CDH12: variants seen among roughly 807,000 people sequenced by gnomAD.
CDH12 encodes the protein cadherin-12.
Under a neutral mutation model 74.1 loss-of-function variants are expected in CDH12, and 41 were observed. The ratio of observed to expected loss-of-function variants is 0.55; its 90% CI spans 0.43 to 0.72. The LOEUF (loss-of-function observed/expected upper bound fraction) is 0.72, where lower values mean the gene tolerates loss of function less well. CDH12 is among the 30% of genes least tolerant of loss of function. CDH12 has a pLI of 0.00. For synonymous variants in CDH12, 399 were observed against 355.0 expected, an observed-to-expected ratio of 1.12 and a Z score of -1.39; for missense variants, 945 against 977.2, an observed-to-expected ratio of 0.97 and a Z score of 0.44.
intron 1 of CDH12, among the ~76,000 whole-genome samples, chr5:22,847,841 T>A (rs1331145221): frequency 1.3e-5 from 2 of 152,110 alleles, no homozygotes; most frequent in Non-Finnish European, 2.9e-5. Flanking sequence ...AATTCCCTTT[T>A]ACTGTATGAT....
intron 6 of CDH12, among the ~76,000 whole-genome samples, chr5:21,874,203 T>C (rs1035532512): frequency 2.0e-5 from 3 of 152,002 alleles, no homozygotes; most frequent in African/African-American, 7.2e-5. Flanking sequence ...TAAAAAGTGG[T>C]CAAAGGACAT....
rs190879876 is a variant in CDH12, at chr5:21,760,817, C to T, written c.1516-142G>A. ...AATACCAGTAGGTCAATTATTTACA[C>T]ATAATGTTTATAAACAAATTTCTAA... On this transcript the variant is annotated intron_variant, in intron 12 of 14. Coordinates refer to ENST00000382254, the MANE Select transcript of CDH12 (RefSeq NM_004061.5). 824 of 651,878 alleles carry T rather than the reference C, an allele frequency of 1.3e-3. 3 individuals carry two copies. In the African/African-American group the frequency reaches 0.014, roughly 11 times the overall value. The allele number at this position is 651,878 out of a possible 1,614,324, so 40.4% of individuals were successfully genotyped here. A position where few individuals can be genotyped will look rare whatever the true frequency, so the allele number is the denominator to read the frequency against.
intron 1 of CDH12, among the ~76,000 whole-genome samples, chr5:22,824,182 G>T (rs1749880107): frequency 6.6e-6 from 1 of 152,080 alleles, no homozygotes; most frequent in African/African-American, 2.4e-5. Flanking sequence ...GTCAACTAAA[G>T]ATTGTATACA....
intron 1 of CDH12, among the ~76,000 whole-genome samples, chr5:22,710,265 T>A (rs1743223168): frequency 6.6e-6 from 1 of 152,250 alleles, no homozygotes; most frequent in South Asian, 2.1e-4. Flanking sequence ...ATATGTTTCA[T>A]AGTTTTCACT....
At position 21,824,017 on chromosome 5, in the gene CDH12, C is replaced by T. The variant is rs561955152; in HGVS notation, c.815-6885G>A. ...TAATAATCCTATGTTCACTTTAATT[C>T]TAAAAACATAGATTTGGAAGTTAGA... On this transcript the variant is annotated intron_variant, in intron 8 of 14. Transcript: ENST00000382254. Among the ~76,000 whole-genome samples, 4 of 152,030 alleles carry T rather than the reference C, an allele frequency of 2.6e-5. No individual in the cohort carries two copies. In the East Asian group the frequency reaches 5.8e-4, roughly 22 times the overall value.
chr5:22,417,277 T>C (rs1206190245), intron 2 of CDH12, among the ~76,000 whole-genome samples: 2 of 152,226 alleles, frequency 1.3e-5, no homozygotes, highest in Non-Finnish European at 2.9e-5. Context: ...AAGCTTAATG[T>C]CCAATGCAAC....
intron 3 of CDH12, among the ~76,000 whole-genome samples, chr5:22,248,462 T>G (rs1753032671): frequency 2.0e-5 from 3 of 152,066 alleles, no homozygotes; most frequent in Admixed American, 2.0e-4. Flanking sequence ...AAAGAAAAAA[T>G]AATGTGTCTG....
Position 22,586,659 on chromosome 5 carries a change from C to T in CDH12, c.-522-81295G>A, listed in dbSNP as rs77459592. 5.5e-4 allele frequency among the ~76,000 whole-genome samples: 83 copies of T among 151,880 alleles called. 4 individuals are homozygous for T. The East Asian group carries it at 0.015, about 28-fold the overall frequency. On this transcript the variant is annotated intron_variant, in intron 1 of 14. Coordinates refer to ENST00000382254, the MANE Select transcript of CDH12 (RefSeq NM_004061.5). ...TGAATTTTTCTCATTTTCTCCTTCA[C>T]ACCAGTTTTCACAATTTTTAATCCT...
At chr5:22,644,601 C>T (rs1418665434) in intron 1 of CDH12, among the ~76,000 whole-genome samples, 2 of 151,806 alleles carry the variant, frequency 1.3e-5, no homozygotes, top group Non-Finnish European at 2.9e-5. Flanking sequence ...CATGAAAGTG[C>T]AAGATAAGGC....
intron 4 of CDH12, among the ~76,000 whole-genome samples, chr5:22,115,522 T>C (rs1463099113): frequency 6.6e-6 from 1 of 152,142 alleles, no homozygotes; most frequent in Non-Finnish European, 1.5e-5. Flanking sequence ...GAATCTACCA[T>C]TCATAAAATA....
chr5:22,658,725 A>G (rs935150769), intron 1 of CDH12, among the ~76,000 whole-genome samples: 5 of 152,148 alleles, frequency 3.3e-5, no homozygotes, highest in African/African-American at 1.2e-4. Flanking sequence ...TTATCGCCCA[A>G]CCTCTTAATA....
Position 22,286,230 on chromosome 5 carries a change from C to T in CDH12, c.-332-73587G>A, listed in dbSNP as rs970157726. Among the ~76,000 whole-genome samples the T allele has an allele frequency of 4.6e-5, 7 of 152,060 alleles. No individual in the cohort carries two copies. The South Asian group carries it at 1.0e-3, about 22-fold the overall frequency. ...CAGAAATTGAATCAAAAATATAATT[C>T]TCATAAAGGCAAGTCACACAAAGCA... On this transcript the variant is annotated intron_variant, in intron 3 of 14. Transcript: ENST00000382254.
intron 1 of CDH12, among the ~76,000 whole-genome samples, chr5:22,830,356 T>C (rs1356238456): frequency 6.6e-6 from 1 of 152,160 alleles, no homozygotes; most frequent in Non-Finnish European, 1.5e-5. Flanking sequence ...TGTATACATG[T>C]ATATATATGC....
chr5:22,622,438 T>C (rs1053328338), intron 1 of CDH12, among the ~76,000 whole-genome samples: 1 of 152,070 alleles, frequency 6.6e-6, no homozygotes, highest in Non-Finnish European at 1.5e-5. Context: ...GACCTGCTCC[T>C]GATTCCCAGT....
At chr5:22,584,078 C>A (rs1437734586) in intron 1 of CDH12, among the ~76,000 whole-genome samples, 1 of 111,254 alleles carries the variant, frequency 9.0e-6, no homozygotes, top group Non-Finnish European at 1.8e-5. Context: ...ATATTGTTTG[C>A]GGAATTTATT....
chr5:22,758,575 T>C (rs1056996810), intron 1 of CDH12, among the ~76,000 whole-genome samples: 3 of 152,048 alleles, frequency 2.0e-5, no homozygotes, highest in African/African-American at 4.8e-5. Context: ...GTTGGTCTTA[T>C]CCCATTTTCT....
chr5:22,710,583 G>C (rs751066425), intron 1 of CDH12, among the ~76,000 whole-genome samples: 5 of 152,108 alleles, frequency 3.3e-5, no homozygotes, highest in Non-Finnish European at 7.4e-5. Flanking sequence ...TTAATCTATA[G>C]AGTATGATAA....
intron 3 of CDH12, among the ~76,000 whole-genome samples, chr5:22,290,855 G>A (rs923894774): frequency 3.9e-5 from 6 of 151,974 alleles, no homozygotes; most frequent in South Asian, 2.1e-4. Flanking sequence ...AAACTAAAGC[G>A]GTAATAAAAA....
chr5:21,910,934 A>G (rs1417207138), intron 6 of CDH12, among the ~76,000 whole-genome samples: 1 of 152,140 alleles, frequency 6.6e-6, no homozygotes. Flanking sequence ...TCCAATTAGC[A>G]ATTTCTGTCT....
Sources: allele counts gnomAD v4.1 joint callset (sites outside exome capture counted in the v4.1 genomes callset), GRCh38; gene constraint gnomAD v4.1.1; transcripts MANE v1.5; gene names NCBI Gene and HGNC (gene_info 2026-07-23, HGNC 2026-07-21).